PSME4: variants seen among roughly 807,000 people sequenced by gnomAD.
PSME4 encodes the protein proteasome activator subunit 4, also known as proteasome activator complex subunit 4.
Under a neutral mutation model 253.9 loss-of-function variants are expected in PSME4, and 89 were observed. The ratio of observed to expected loss-of-function variants is 0.35; its 90% CI spans 0.30 to 0.42. PSME4 has a LOEUF of 0.42. Among genes scored for constraint, PSME4 ranks in the 10% least tolerant of loss-of-function variants. The pLI is 1.00. For synonymous variants in PSME4, 851 were observed against 759.2 expected, an observed-to-expected ratio of 1.12 and a Z score of -1.99; for missense variants, 2,014 against 2,195.2, an observed-to-expected ratio of 0.92 and a Z score of 1.65.
At chr2:53,965,964 G>A (rs1320429312) in intron 1 of PSME4, among the ~76,000 whole-genome samples, 2 of 152,144 alleles carry the variant, frequency 1.3e-5, no homozygotes, top group Admixed American at 6.5e-5. Context: ...GAGCCGCCAC[G>A]CCCAGCCAAA....
At chr2:53,892,735 T>A in intron 36 of PSME4, 73 bp downstream of exon 36, 1 of 1,349,676 alleles carries the variant, frequency 7.4e-7, no homozygotes, top group Non-Finnish European at 1.0e-6. Flanking sequence ...GTATCTAATG[T>A]GTTGGGAATT....
chr2:53,944,099 A>G (rs1669589271), intron 3 of PSME4, among the ~76,000 whole-genome samples: 2 of 152,240 alleles, frequency 1.3e-5, no homozygotes, highest in Admixed American at 1.3e-4. Context: ...TAAAGAAAGA[A>G]CACTGTAGCA....
chr2:53,921,137 T>C (rs1423521931), intron 17 of PSME4, 33 bp from the exon 18 acceptor site: 1 of 1,610,860 alleles, frequency 6.2e-7, no homozygotes, highest in Non-Finnish European at 8.5e-7. Flanking sequence ...TGAAGATATT[T>C]TGGTTAAAAG....
At chr2:53,899,744 G>A in intron 29 of PSME4, 137 bp downstream of exon 29, 2 of 1,033,314 alleles carry the variant, frequency 1.9e-6, no homozygotes, top group Non-Finnish European at 2.8e-6. Context: ...CTTAAACCCA[G>A]GAGGTGAAGG....
At chr2:53,890,902 C>T (rs1679875460) in intron 36 of PSME4, among the ~76,000 whole-genome samples, 1 of 152,132 alleles carries the variant, frequency 6.6e-6, no homozygotes, top group South Asian at 2.1e-4. Flanking sequence ...TGGCACATGC[C>T]TGTAATCCCA....
rs1225742370 is a variant in PSME4, at chr2:53,940,985, A to AT, written c.501-986dup. Among the ~76,000 whole-genome samples, 226 of 95,022 alleles carry AT rather than the reference A, an allele frequency of 2.4e-3. 4 individuals carry two copies. Among genetic ancestry groups the AT allele is most frequent in the Non-Finnish European group, 4.1e-3 (177 of 42,950 alleles). The allele number at this position is 95,022 out of a possible 152,430, so 62.3% of individuals were successfully genotyped here. The stretch of plus-strand genomic sequence containing the variant: ...TATATATATATATATATATATATAT[A>AT]TATATATATATATATGAAAGGAGTA... On this transcript the variant is annotated intron_variant, in intron 3 of 46. Transcript: ENST00000404125.
intron 3 of PSME4, among the ~76,000 whole-genome samples, chr2:53,940,948 T>TA (rs1553338406): frequency 0.25 from 4,559 of 17,886 alleles, 520 homozygotes; most frequent in Non-Finnish European, 0.34. Context: ...TAAATATATA[T>TA]ATACATATAT....
intron 12 of PSME4, 123 bp from the exon 13 acceptor site, chr2:53,926,146 G>C (rs544135796): frequency 1.4e-6 from 1 of 692,660 alleles, no homozygotes; most frequent in East Asian, 2.7e-5. Flanking sequence ...GGTACTATGA[G>C]AAACAGCACC....
chr2:53,908,883 C>T, intron 21 of PSME4, 43 bp from the exon 22 acceptor site: 1 of 1,408,238 alleles, frequency 7.1e-7, no homozygotes, highest in Non-Finnish European at 9.9e-7. Context: ...ACACTGAATG[C>T]TCCTCAGACT....
chr2:53,955,794 T>C (rs1476052327), intron 1 of PSME4, among the ~76,000 whole-genome samples: 2 of 150,610 alleles, frequency 1.3e-5, no homozygotes, highest in Non-Finnish European at 3.0e-5. Flanking sequence ...TGATAGCGCA[T>C]GTCTGTAGTC....
At chr2:53,900,702 G>C (rs1029919598) in intron 28 of PSME4, among the ~76,000 whole-genome samples, 1 of 152,118 alleles carries the variant, frequency 6.6e-6, no homozygotes, top group Non-Finnish European at 1.5e-5. Context: ...ATAATCTAAT[G>C]ACAGTCGCAA....
At chr2:53,953,835 A>G (rs907465855) in intron 1 of PSME4, among the ~76,000 whole-genome samples, 5 of 152,242 alleles carry the variant, frequency 3.3e-5, no homozygotes, top group Non-Finnish European at 5.9e-5. Flanking sequence ...AAACCCTGGT[A>G]AACAGTCACG....
rs1679085391 is a variant in PSME4, at chr2:53,875,708, A to G, written c.4863T>C (p.Asp1621=). ...NDNSYDELKR[D]AKLCLSLMSQ... The stretch of plus-strand genomic sequence containing the variant: ...ACATTAATGATAAACATAACTTTGC[A>G]TCTCTTTTCAGTTCATCGTAGCTAT... Residue 1621 remains aspartate, a synonymous_variant, in exon 42 of 47, where the codon GAT becomes GAC. Transcript: ENST00000404125. 6.2e-7 allele frequency: 1 copy of G among 1,613,146 alleles called. No individual in the cohort carries two copies. Among genetic ancestry groups the G allele is most frequent in the African/African-American group, 1.3e-5 (1 of 74,920 alleles).
In PSME4 at chr2:53,951,484, G is replaced by A. The variant is rs727832; in HGVS notation, c.243-2201C>T. ...TAACTCATTTTTATTTTCTCAAGCT[G>A]GTCTGAATTTATTCAGCTCTTTTCT... On this transcript the variant is annotated intron_variant, in intron 1 of 46. Coordinates refer to ENST00000404125, the MANE Select transcript of PSME4 (RefSeq NM_014614.3). Among the ~76,000 whole-genome samples the A allele has an allele frequency of 7.0e-3, 1,072 of 152,166 alleles. 24 individuals are homozygous for A. Among genetic ancestry groups the A allele is most frequent in the African/African-American group, 0.025 (1,024 of 41,500 alleles).
chr2:53,940,966 T>TAATACATATATAA (rs1558413918), intron 3 of PSME4, among the ~76,000 whole-genome samples: 4 of 67,812 alleles, frequency 5.9e-5, no homozygotes, highest in Non-Finnish European at 9.4e-5. Flanking sequence ...TATATATATA[T>TAATACATATATAA]ATATATATAT....
In PSME4 at chr2:53,940,928, A is replaced by AT. The variant is rs397715475; in HGVS notation, c.501-929_501-928insA. On this transcript the variant is annotated intron_variant, in intron 3 of 46. Transcript: ENST00000404125. Reference sequence around the variant, plus strand: ...ATAATACATATTTAAATATATATATAATACATATATAAATATATATATACA... The same window carrying AT: ...ATAATACATATTTAAATATATATATATATACATATATAAATATATATATACA... Among the ~76,000 whole-genome samples, 8 of 76,948 alleles carry AT rather than the reference A, an allele frequency of 1.0e-4. No homozygotes were observed. The South Asian group carries it at 1.3e-3, about 13-fold the overall frequency. 50.5% of individuals were successfully genotyped at this position (76,948 alleles called of 152,430 possible).
chr2:53,947,576 G>C (rs980570230), intron 3 of PSME4, among the ~76,000 whole-genome samples: 5 of 151,992 alleles, frequency 3.3e-5, no homozygotes, highest in Admixed American at 1.3e-4. Context: ...CGTGGTGGTG[G>C]GCACCTGTAG....
rs1405593092 is a variant in PSME4, at chr2:53,874,467, G to A, written c.4972C>T (p.Arg1658Ter). The A allele has an allele frequency of 6.8e-6, 11 of 1,613,640 alleles. No homozygotes were observed. The highest frequency in any genetic ancestry group is 1.3e-5 in the African/African-American group (1 of 74,876). ...QTARSSSWHARYTVLTYLQTM... is the reference protein window; with the variant it reads ...QTARSSSWHA ...TGGAGGTAGGTCAGTACTGTGTATCGTGCATGCCAAGAACTGCTTCTTGCT... is the reference window on the plus strand; with the variant it reads ...TGGAGGTAGGTCAGTACTGTGTATCATGCATGCCAAGAACTGCTTCTTGCT... Residue 1658 changes from arginine to a stop codon, truncating the protein, a stop_gained, in exon 43 of 47, where the codon CGA becomes TGA. Coordinates refer to ENST00000404125, the MANE Select transcript of PSME4 (RefSeq NM_014614.3). LOFTEE classifies it high-confidence loss of function.
intron 27 of PSME4, among the ~76,000 whole-genome samples, chr2:53,902,812 G>A (rs977257364): frequency 5.3e-5 from 8 of 152,194 alleles, no homozygotes; most frequent in Non-Finnish European, 1.0e-4. Context: ...ACATGGCTGT[G>A]TTTCAAGAAG....
Sources: gnomAD v4.1 joint callset for allele counts (sites outside exome capture counted in the v4.1 genomes callset) on GRCh38, gnomAD v4.1.1 for gene constraint, MANE v1.5 for transcripts, NCBI Gene and HGNC (gene_info 2026-07-23, HGNC 2026-07-21) for gene names.